The following CIB3 variants were observed in gnomAD, a reference collection of about 807,000 sequenced individuals.
CIB3 encodes the protein calcium and integrin-binding family member 3.
CIB3 carries 22 observed loss-of-function variants against 23.4 expected under a neutral mutation model. The observed-to-expected ratio is 0.94, with a 90% confidence interval of 0.67 to 1.34. The LOEUF is 1.34. Among genes scored for constraint, CIB3 ranks in the 40% most tolerant of loss-of-function variants. The pLI is 0.00. For missense variants in CIB3, 258 were observed against 247.3 expected (o/e 1.04, Z -0.29); for synonymous variants, 93 against 95.8 (o/e 0.97, Z 0.17).
chr19:16,162,489 C>T (rs755564764), intron 5 of CIB3, among the ~76,000 whole-genome samples: 8 of 152,078 alleles, frequency 5.3e-5, no homozygotes, highest in Admixed American at 1.3e-4. Context: ...TGACGGCTCA[C>T]GCCTGTAATC....
intron 3 of CIB3, 40 bp from the exon 4 acceptor site, chr19:16,168,324 C>G: frequency 6.2e-7 from 1 of 1,609,546 alleles, no homozygotes. Flanking sequence ...TCCTCTGACC[C>G]CCAAGGTCTC....
At chr19:16,171,248 G>C (rs1422665552) in intron 2 of CIB3, among the ~76,000 whole-genome samples, 1 of 152,150 alleles carries the variant, frequency 6.6e-6, no homozygotes, top group Non-Finnish European at 1.5e-5. Context: ...ACAGCTAATA[G>C]TCACATTTTT....
Position 16,173,500 on chromosome 19 carries a change from G to A in CIB3, c.-25C>T, listed in dbSNP as rs370294555. 5.6e-6 allele frequency: 9 copies of A among 1,611,022 alleles called. No homozygotes were observed. The African/African-American group carries it at 8.0e-5, about 14-fold the overall frequency. ...TGGTGTGAACCACAGCCCAGACTTG[G>A]GGATGCACCCCAAAGGCTCCCAGCT... On this transcript the variant is annotated 5_prime_UTR_variant, in exon 1 of 6. Transcript: ENST00000269878.
intron 2 of CIB3, among the ~76,000 whole-genome samples, chr19:16,172,726 G>C (rs915845196): frequency 6.6e-6 from 1 of 152,004 alleles, no homozygotes. Flanking sequence ...GAGGCAGGGG[G>C]ATCGCTTGAG....
intron 5 of CIB3, 126 bp downstream of exon 5, chr19:16,164,592 G>A: frequency 1.1e-6 from 1 of 938,180 alleles, no homozygotes; most frequent in South Asian, 1.7e-5. Context: ...TAGGGAAATT[G>A]AGAAAGTTTC....
In CIB3 at chr19:16,161,375, CAGTGACTT is replaced by C; in HGVS notation, c.*82_*89del. ...ATGTGTCCTCCCAGCAGGTGTGACT[CAGTGACTT>C]GTGTTTATTCTCAGAAACCAGAGTC... On this transcript the variant is annotated 3_prime_UTR_variant, in exon 6 of 6. Transcript: ENST00000269878. 7.6e-7 allele frequency: 1 copy of C among 1,317,874 alleles called. No homozygotes were observed. The highest frequency in any genetic ancestry group is 1.1e-6 in the Non-Finnish European group (1 of 910,136). 81.6% of individuals were successfully genotyped at this position (1,317,874 alleles called of 1,614,324 possible).
chr19:16,168,417 G>A, intron 3 of CIB3, 133 bp from the exon 4 acceptor site: 1 of 1,293,676 alleles, frequency 7.7e-7, no homozygotes, highest in South Asian at 1.5e-5. Context: ...CCCTCCCATG[G>A]TCCCTGGACA....
intron 2 of CIB3, among the ~76,000 whole-genome samples, chr19:16,172,788 A>G (rs1018426210): frequency 1.3e-5 from 2 of 151,704 alleles, no homozygotes; most frequent in African/African-American, 2.4e-5. Context: ...CCATCTCTAT[A>G]AAAAAATACA....
intron 2 of CIB3, among the ~76,000 whole-genome samples, chr19:16,172,276 T>C (rs2091331451): frequency 1.3e-5 from 2 of 152,184 alleles, no homozygotes; most frequent in South Asian, 4.1e-4. Context: ...TGCCTCAGCC[T>C]CTTGAGTAGC....
rs1170459882 is a variant in CIB3 at position 16,173,405 on chromosome 19, C to T, written c.51+20G>A. The T allele has an allele frequency of 6.2e-7, 1 of 1,610,782 alleles. No homozygotes were observed. Among genetic ancestry groups the T allele is most frequent in the South Asian group, 1.1e-5 (1 of 91,018 alleles). ...CCAAAGTTGTCAAACCCACTGAGGA[C>T]CCATCCTGCCCCCCTCTACCTGATA... On this transcript the variant is annotated intron_variant, in intron 1 of 5. Coordinates refer to ENST00000269878, the MANE Select transcript of CIB3 (RefSeq NM_054113.4).
chr19:16,172,370 ATCT>A (rs1568339059), intron 2 of CIB3, among the ~76,000 whole-genome samples: 1 of 151,928 alleles, frequency 6.6e-6, no homozygotes, highest in African/African-American at 2.4e-5. Flanking sequence ...GGCCAGGCTG[ATCT>A]TAAACTCCTG....
At chr19:16,169,592 C>T (rs370844048) in intron 3 of CIB3, 38 bp downstream of exon 3, 166 of 1,568,250 alleles carry the variant, frequency 1.1e-4, no homozygotes, top group Non-Finnish European at 1.4e-4. Flanking sequence ...GACATCTCTA[C>T]TATTTTTTAC....
chr19:16,169,591 A>C (rs2091319372), intron 3 of CIB3, 39 bp downstream of exon 3: 1 of 1,554,942 alleles, frequency 6.4e-7, no homozygotes, highest in Admixed American at 1.8e-5. Flanking sequence ...AGACATCTCT[A>C]CTATTTTTTA....
At chr19:16,167,487 G>C (rs1267744611) in intron 4 of CIB3, among the ~76,000 whole-genome samples, 1 of 152,064 alleles carries the variant, frequency 6.6e-6, no homozygotes, top group Admixed American at 6.6e-5. Context: ...TGGTGGGATG[G>C]GGGGATGAAT....
chr19:16,161,551 C>A lies in CIB3; in HGVS notation c.543-65G>T, dbSNP rs1383246645. On this transcript the variant is annotated intron_variant, in intron 5 of 5. Transcript: ENST00000269878. ...TGGACAACCCCTTTTCCTCCTCCCCCTCAACACGCTCACGGCAAGTCCCTG... is the reference window on the plus strand; with the variant it reads ...TGGACAACCCCTTTTCCTCCTCCCCATCAACACGCTCACGGCAAGTCCCTG... 3 of 1,559,442 alleles carry A rather than the reference C, an allele frequency of 1.9e-6. No individual in the cohort carries two copies. The Admixed American group carries it at 5.1e-5, about 27-fold the overall frequency.
chr19:16,168,089 C>A, intron 4 of CIB3, 48 bp downstream of exon 4: 2 of 1,541,722 alleles, frequency 1.3e-6, no homozygotes, highest in Non-Finnish European at 1.8e-6. Context: ...CCAGTTCCCA[C>A]TCCCCACCCC....
chr19:16,173,071 CA>C, intron 2 of CIB3, 90 bp downstream of exon 2: 4 of 1,496,794 alleles, frequency 2.7e-6, no homozygotes, highest in Non-Finnish European at 3.7e-6. Flanking sequence ...CACACACACA[CA>C]CACACACACA....
intron 3 of CIB3, among the ~76,000 whole-genome samples, chr19:16,168,876 C>T: frequency 6.6e-6 from 1 of 152,162 alleles, no homozygotes; most frequent in East Asian, 1.9e-4. Context: ...TTGATCCAAA[C>T]CATTCTGTCC....
chr19:16,170,631 G>T (rs1164931558), intron 2 of CIB3, among the ~76,000 whole-genome samples: 3 of 151,506 alleles, frequency 2.0e-5, no homozygotes, highest in Non-Finnish European at 2.9e-5. Context: ...GACTAGCCTG[G>T]CCAACATGGT....
Sources: gnomAD v4.1 joint callset for allele counts (sites outside exome capture counted in the v4.1 genomes callset) on GRCh38, gnomAD v4.1.1 for gene constraint, MANE v1.5 for transcripts, NCBI Gene and HGNC (gene_info 2026-07-23, HGNC 2026-07-21) for gene names.